The following ROBO1 variants were observed in gnomAD, a reference collection of about 807,000 sequenced individuals.
The protein encoded by ROBO1 is roundabout guidance receptor 1.
Under a neutral mutation model 195.9 loss-of-function variants are expected in ROBO1, and 149 were observed. The ratio of observed to expected loss-of-function variants is 0.76; its 90% confidence interval spans 0.67 to 0.87. The LOEUF (loss-of-function observed/expected upper bound fraction) is 0.87, where lower values mean the gene tolerates loss of function less well. Ranked by LOEUF, ROBO1 falls within the 40% of genes least tolerant of loss-of-function variation. The probability of loss-of-function intolerance (pLI) is 0.00; values close to 1 mark genes in which losing one functional copy is unlikely to be tolerated. For missense variants in ROBO1, 1,933 were observed against 2,068.3 expected, an observed-to-expected ratio of 0.93 and a Z score of 1.27; for synonymous variants, 816 against 733.2, an observed-to-expected ratio of 1.11 and a Z score of -1.82.
intron 4 of ROBO1, among the ~76,000 whole-genome samples, chr3:78,888,552 G>T (rs533717024): frequency 6.6e-6 from 1 of 152,248 alleles, no homozygotes; most frequent in Non-Finnish European, 1.5e-5. Context: ...TAGAAACTTA[G>T]TTAAAATTAA....
intron 2 of ROBO1, among the ~76,000 whole-genome samples, chr3:79,320,369 C>G (rs1314567327): frequency 6.6e-6 from 1 of 152,214 alleles, no homozygotes; most frequent in Non-Finnish European, 1.5e-5. Flanking sequence ...CATTCTGTCA[C>G]CAAGGCTGGA....
At chr3:79,119,813 C>T (rs2080082604) in intron 3 of ROBO1, among the ~76,000 whole-genome samples, 1 of 151,636 alleles carries the variant, frequency 6.6e-6, no homozygotes, top group Admixed American at 6.6e-5. Context: ...CTCTCTTGAC[C>T]AGGCTGGAGT....
At chr3:79,258,348 G>T (rs1181525428) in intron 2 of ROBO1, among the ~76,000 whole-genome samples, 1 of 152,050 alleles carries the variant, frequency 6.6e-6, no homozygotes, top group Non-Finnish European at 1.5e-5. Context: ...ATACACATTT[G>T]CATTCTAAAA....
At chr3:78,716,282 A>T (rs1013190875) in intron 7 of ROBO1, among the ~76,000 whole-genome samples, 7 of 152,182 alleles carry the variant, frequency 4.6e-5, no homozygotes, top group Middle Eastern at 3.2e-3. Context: ...GTAATTTATA[A>T]AGGAAAGAGG....
At chr3:79,005,869 T>TAATAATAATAAAATAA (rs1407919002) in intron 3 of ROBO1, among the ~76,000 whole-genome samples, 4 of 152,164 alleles carry the variant, frequency 2.6e-5, no homozygotes, top group African/African-American at 7.2e-5. Context: ...TAATACTCTA[T>TAATAATAATAAAATAA]TAGCAAATAA....
chr3:79,181,521 T>C (rs980863501), intron 2 of ROBO1, among the ~76,000 whole-genome samples: 1 of 152,226 alleles, frequency 6.6e-6, no homozygotes, highest in African/African-American at 2.4e-5. Context: ...ATTTCTCTGG[T>C]GTGTAGTGTT....
At chr3:79,249,085 G>A (rs558570357) in intron 2 of ROBO1, among the ~76,000 whole-genome samples, 46 of 152,182 alleles carry the variant, frequency 3.0e-4, no homozygotes, top group African/African-American at 9.6e-4. Context: ...ACCTCATTTT[G>A]TTGCAGTTGC....
At chr3:79,161,352 T>C (rs1173597070) in intron 2 of ROBO1, among the ~76,000 whole-genome samples, 1 of 151,148 alleles carries the variant, frequency 6.6e-6, no homozygotes, top group Non-Finnish European at 1.5e-5. Context: ...ATGTATTTGA[T>C]ATAAGTGACA....
intron 18 of ROBO1, among the ~76,000 whole-genome samples, chr3:78,656,136 C>T (rs76720170): frequency 2.6e-5 from 4 of 151,244 alleles, no homozygotes; most frequent in Admixed American, 6.6e-5. Flanking sequence ...TTTTTTAATT[C>T]ATCTAACCAC....
chr3:79,750,041 G>T (rs905348384), intron 1 of ROBO1, among the ~76,000 whole-genome samples: 16 of 152,218 alleles, frequency 1.1e-4, no homozygotes, highest in African/African-American at 3.9e-4. Flanking sequence ...GCAGCCAGGA[G>T]GGAGGCTGTA....
Position 78,631,207 on chromosome 3 carries a change from G to A in ROBO1, c.3580C>T (p.Pro1194Ser), listed in dbSNP as rs1353547179. Residue 1194 changes from proline (P) to serine (S), a missense_variant, in exon 25 of 31, where the codon CCT becomes TCT. Transcript: ENST00000464233. ...DLLPPPPAHP[P>S]PHSNSEEYNI... ...TACTCTTCGCTATTGCTGTGTGGAG[G>A]AGGATGTGCTGGGGGAGGAGGAAGC... is the stretch of plus-strand genomic sequence containing the variant. 54 of 1,613,136 alleles carry A rather than the reference G, an allele frequency of 3.3e-5. No homozygotes were observed. Among genetic ancestry groups the A allele is most frequent in the Non-Finnish European group, 4.5e-5 (53 of 1,179,536 alleles).
At chr3:79,469,307 G>A (rs1427511122) in intron 2 of ROBO1, among the ~76,000 whole-genome samples, 1 of 152,124 alleles carries the variant, frequency 6.6e-6, no homozygotes, top group Admixed American at 6.6e-5. Flanking sequence ...TACACAGAAT[G>A]AATTGAGATT....
intron 8 of ROBO1, among the ~76,000 whole-genome samples, chr3:78,712,261 C>T (rs572842205): frequency 2.6e-5 from 4 of 152,242 alleles, no homozygotes; most frequent in African/African-American, 9.6e-5. Context: ...CTCGTAGTGA[C>T]TCCAACACTG....
At chr3:78,677,923 A>C (rs1232751598) in intron 10 of ROBO1, among the ~76,000 whole-genome samples, 4 of 151,820 alleles carry the variant, frequency 2.6e-5, no homozygotes, top group South Asian at 2.1e-4. Flanking sequence ...CGTAGTTGGA[A>C]GTAAAGCTCT....
chr3:79,695,239 G>T (rs1476781949), intron 1 of ROBO1, among the ~76,000 whole-genome samples: 3 of 151,456 alleles, frequency 2.0e-5, no homozygotes, highest in Admixed American at 6.6e-5. Context: ...ATGAATAAAA[G>T]ACAAGCTTTT....
rs190975463 is a variant in ROBO1 at position 79,364,495 on chromosome 3, T to C, written c.88+225329A>G. On this transcript the variant is annotated intron_variant, in intron 2 of 30. Transcript: ENST00000464233. ...CATGCCACTCATATATATTTTTCCA[T>C]ATTCTAGGTTTTTTCTCCTTTCCTC... Among the ~76,000 whole-genome samples the C allele has an allele frequency of 2.0e-3, 309 of 152,118 alleles. 1 individual carries two copies. Among genetic ancestry groups the C allele is most frequent in the Middle Eastern group, 3.4e-3 (1 of 294 alleles).
chr3:78,852,918 C>A (rs2034161472), intron 4 of ROBO1, among the ~76,000 whole-genome samples: 1 of 152,012 alleles, frequency 6.6e-6, no homozygotes, highest in South Asian at 2.1e-4. Flanking sequence ...ACGGTAGCCA[C>A]TGAATGGGAA....
At chr3:79,719,582 A>G (rs887604602) in intron 1 of ROBO1, among the ~76,000 whole-genome samples, 4 of 152,144 alleles carry the variant, frequency 2.6e-5, no homozygotes, top group Admixed American at 6.5e-5. Context: ...AATTAACCAC[A>G]ACATATAGTT....
chr3:78,977,571 G>C (rs574480475), intron 3 of ROBO1, among the ~76,000 whole-genome samples: 433 of 150,498 alleles, frequency 2.9e-3, no homozygotes, highest in Non-Finnish European at 4.9e-3. Context: ...ATTAGCAAAG[G>C]ATCTTGATTC....
Sources: allele counts gnomAD v4.1 joint callset (sites outside exome capture counted in the v4.1 genomes callset), GRCh38; gene constraint gnomAD v4.1.1; transcripts MANE v1.5; gene names NCBI Gene and HGNC (gene_info 2026-07-23, HGNC 2026-07-21).